The following THSD7A variants were observed in gnomAD, a reference collection of about 807,000 sequenced individuals.
The protein encoded by THSD7A is thrombospondin type 1 domain containing 7A, also known as thrombospondin type-1 domain-containing protein 7A.
THSD7A carries 96 observed loss-of-function variants against 231.3 expected under a neutral mutation model. The ratio of observed to expected loss-of-function variants is 0.41; its 90% CI spans 0.35 to 0.49. THSD7A has a LOEUF of 0.49. Ranked by LOEUF, THSD7A falls within the 20% of genes least tolerant of loss-of-function variation. THSD7A has a pLI of 0.05. For synonymous variants in THSD7A, 940 were observed against 743.3 expected, an observed-to-expected ratio of 1.26 and a Z score of -4.30; for missense variants, 2,290 against 2,070.2, an observed-to-expected ratio of 1.11 and a Z score of -2.06.
chr7:11,724,196 G>A (rs937245256), intron 1 of THSD7A, among the ~76,000 whole-genome samples: 4 of 151,884 alleles, frequency 2.6e-5, no homozygotes, highest in Admixed American at 2.6e-4. Flanking sequence ...GTACATAAAA[G>A]AATGTAGCTG....
intron 14 of THSD7A, among the ~76,000 whole-genome samples, chr7:11,426,971 G>T (rs539783519): frequency 2.0e-5 from 3 of 152,254 alleles, no homozygotes; most frequent in Non-Finnish European, 4.4e-5. Flanking sequence ...ACAATACATA[G>T]CATGGGAAAT....
chr7:11,786,079 TCCC>T (rs1425154272), intron 1 of THSD7A, among the ~76,000 whole-genome samples: 13 of 151,028 alleles, frequency 8.6e-5, no homozygotes, highest in Admixed American at 7.9e-4. Context: ...TATGAATCAT[TCCC>T]TTTTATTTTA....
chr7:11,715,949 C>A (rs951732320), intron 1 of THSD7A, among the ~76,000 whole-genome samples: 2 of 151,410 alleles, frequency 1.3e-5, no homozygotes, highest in African/African-American at 4.8e-5. Flanking sequence ...AAATAAAAAT[C>A]TGGGAGAAAC....
chr7:11,513,986 T>A (rs1010838204), intron 6 of THSD7A, among the ~76,000 whole-genome samples: 2 of 151,050 alleles, frequency 1.3e-5, no homozygotes, highest in Admixed American at 1.3e-4. Flanking sequence ...GCCCCAGACA[T>A]CCTGCCTCCT....
intron 5 of THSD7A, among the ~76,000 whole-genome samples, chr7:11,542,074 C>A (rs1460218873): frequency 6.6e-6 from 1 of 152,192 alleles, no homozygotes; most frequent in Non-Finnish European, 1.5e-5. Context: ...AAATCTTCAG[C>A]AATGTCACAT....
At chr7:11,503,781 A>G (rs772583233) in intron 6 of THSD7A, among the ~76,000 whole-genome samples, 4 of 152,236 alleles carry the variant, frequency 2.6e-5, no homozygotes, top group Non-Finnish European at 5.9e-5. Flanking sequence ...ACCAGTCAGA[A>G]TGACTATTAT....
chr7:11,421,286 A>C (rs1024620514), intron 16 of THSD7A, among the ~76,000 whole-genome samples: 2 of 152,150 alleles, frequency 1.3e-5, no homozygotes, highest in African/African-American at 4.8e-5. Context: ...TGTTCTCATG[A>C]TAGTGAGTGA....
chr7:11,693,545 C>A (rs1780297684), intron 1 of THSD7A, among the ~76,000 whole-genome samples: 1 of 151,466 alleles, frequency 6.6e-6, no homozygotes, highest in Admixed American at 6.6e-5. Flanking sequence ...GGTATCCAGT[C>A]AGAATAGTAA....
intron 2 of THSD7A, among the ~76,000 whole-genome samples, chr7:11,626,546 T>C (rs1409202377): frequency 6.6e-6 from 1 of 152,142 alleles, no homozygotes; most frequent in Admixed American, 6.6e-5. Flanking sequence ...GTGGTCACTT[T>C]AATATTTTTG....
intron 1 of THSD7A, among the ~76,000 whole-genome samples, chr7:11,785,091 T>C (rs556731431): frequency 4.0e-4 from 61 of 152,286 alleles, no homozygotes; most frequent in Non-Finnish European, 7.1e-4. Context: ...TAGCATTGTT[T>C]CCTGTCCTTG....
intron 4 of THSD7A, among the ~76,000 whole-genome samples, chr7:11,567,840 C>G (rs984713938): frequency 1.3e-5 from 2 of 152,154 alleles, no homozygotes; most frequent in African/African-American, 4.8e-5. Flanking sequence ...TCGTTCTCTT[C>G]TTTTCCTTTT....
intron 23 of THSD7A, among the ~76,000 whole-genome samples, chr7:11,397,602 C>CA (rs1440447155): frequency 6.6e-5 from 10 of 152,190 alleles, no homozygotes; most frequent in African/African-American, 2.4e-4. Flanking sequence ...AAGAAACTAT[C>CA]ATCAGAGTGA....
chr7:11,723,958 T>A (rs115685922), intron 1 of THSD7A, among the ~76,000 whole-genome samples: 2,255 of 151,950 alleles, frequency 0.015, 59 homozygotes, highest in African/African-American at 0.052. Context: ...AGATGCTGAA[T>A]TGAGAATAGA....
chr7:11,426,096 A>T (rs1417654133), intron 15 of THSD7A, among the ~76,000 whole-genome samples: 2 of 151,686 alleles, frequency 1.3e-5, no homozygotes, highest in African/African-American at 4.8e-5. Flanking sequence ...GCACTGTTGG[A>T]GTCAAATTCT....
At chr7:11,500,344 C>T (rs1393675994) in intron 6 of THSD7A, among the ~76,000 whole-genome samples, 1 of 152,112 alleles carries the variant, frequency 6.6e-6, no homozygotes, top group African/African-American at 2.4e-5. Context: ...AAGACCACTA[C>T]CAGCTAATAC....
At chr7:11,586,820 G>A (rs1394153314) in intron 4 of THSD7A, among the ~76,000 whole-genome samples, 2 of 151,726 alleles carry the variant, frequency 1.3e-5, no homozygotes, top group African/African-American at 4.8e-5. Flanking sequence ...CCATCCCTCC[G>A]CCTATCTTCC....
chr7:11,799,025 T>A (rs1351780812), intron 1 of THSD7A, among the ~76,000 whole-genome samples: 1 of 151,940 alleles, frequency 6.6e-6, no homozygotes, highest in East Asian at 2.0e-4. Flanking sequence ...CGGGTTCAAG[T>A]GATTCTCCCG....
chr7:11,474,279 C>A lies in THSD7A; in HGVS notation c.2252+55G>T, dbSNP rs535423112. The A allele has an allele frequency of 1.4e-6, 2 of 1,443,218 alleles. No individual in the cohort carries two copies. The highest frequency in any genetic ancestry group is 2.6e-5 in the South Asian group (2 of 76,574). 89.4% of individuals were successfully genotyped at this position (1,443,218 alleles called of 1,614,324 possible). On this transcript the variant is annotated intron_variant, in intron 8 of 27. Transcript: ENST00000423059. This position sits in a 1 kb window ranked among gnomAD's most constrained non-coding sequence, Gnocchi z 4.1. ...TTCATGAAGCCAGTGAAGCCTGAGC[C>A]AATCCTCTGCACAGGTGGCTACACG...
intron 6 of THSD7A, among the ~76,000 whole-genome samples, chr7:11,487,146 T>C (rs547267920): frequency 2.6e-4 from 39 of 152,288 alleles, no homozygotes; most frequent in African/African-American, 7.5e-4. Context: ...AAACGTTCCC[T>C]TGTTTGGTCT....
Sources: gnomAD v4.1 joint callset for allele counts (sites outside exome capture counted in the v4.1 genomes callset) on GRCh38, gnomAD v4.1.1 for gene constraint, Gnocchi (gnomAD v3.1) non-coding constraint, MANE v1.5 for transcripts, NCBI Gene and HGNC (gene_info 2026-07-23, HGNC 2026-07-21) for gene names.